Variants in MYBL1 observed in about 807,000 individuals in gnomAD.
MYBL1 encodes the protein myb-related protein A.
MYBL1 carries 17 observed loss-of-function variants against 96.3 expected under a neutral mutation model. The ratio of observed to expected loss-of-function variants is 0.18; its 90% confidence interval spans 0.12 to 0.26. The LOEUF is 0.26. Ranked by LOEUF, MYBL1 falls within the 10% of genes least tolerant of loss-of-function variation. The pLI is 1.00. For missense variants in MYBL1, 701 were observed against 882.9 expected (o/e 0.79, Z 2.61); for synonymous variants, 282 against 292.7 (o/e 0.96, Z 0.37).
chr8:66,593,121 T>C lies in MYBL1; in HGVS notation c.761A>G (p.Gln254Arg). 1 of 1,563,028 alleles carries C rather than the reference T, an allele frequency of 6.4e-7. No individual in the cohort carries two copies. ...EHVQPTSAFI[Q>R]QPFIDEDPDK... ...GTTTTCGTTATAAATAAAAGTTACC[T>C]GAATAAAGGCAGAAGTAGGCTGAAC... is the stretch of plus-strand genomic sequence containing the variant. The change falls in exon 7 of 16, where the codon CAG becomes CGG. Residue 254 changes from glutamine to arginine, a missense_variant and splice_region_variant. Gln to Arg is a conservative substitution (Grantham distance 43, BLOSUM62 1). Coordinates refer to ENST00000522677, the MANE Select transcript of MYBL1 (RefSeq NM_001080416.4).
chr8:66,573,982 GA>G (rs1808837902), intron 10 of MYBL1, among the ~76,000 whole-genome samples: 1 of 147,974 alleles, frequency 6.8e-6, no homozygotes, highest in East Asian at 1.9e-4. Context: ...TTGCTGATAA[GA>G]AATACAGCTG....
At position 66,574,984 on chromosome 8, in the gene MYBL1, G is replaced by A. The variant is rs533921997; in HGVS notation, c.1470+1023C>T. ...CAGGAGAATCACTTGAACCCGGGAG[G>A]CGGAGGTTGCGGTGAGCCGAGATGG... On this transcript the variant is annotated intron_variant, in intron 10 of 15. Coordinates refer to ENST00000522677, the MANE Select transcript of MYBL1 (RefSeq NM_001080416.4). 7.2e-5 allele frequency among the ~76,000 whole-genome samples: 11 copies of A among 152,308 alleles called. No individual in the cohort carries two copies. In the South Asian group the frequency reaches 1.4e-3, roughly 20 times the overall value.
chr8:66,600,374 A>G (rs560148428), intron 3 of MYBL1, among the ~76,000 whole-genome samples: 2 of 152,314 alleles, frequency 1.3e-5, no homozygotes, highest in East Asian at 3.9e-4. Flanking sequence ...ACTCAGCTTC[A>G]TTTATGGCTT....
At chr8:66,596,270 TCACAA>T in intron 5 of MYBL1, among the ~76,000 whole-genome samples, 1 of 151,998 alleles carries the variant, frequency 6.6e-6, no homozygotes, top group African/African-American at 2.4e-5. Context: ...GAAAAGCAAA[TCACAA>T]ACTAAAGAAT....
At chr8:66,577,969 A>C (rs1273831907) in intron 9 of MYBL1, among the ~76,000 whole-genome samples, 2 of 152,238 alleles carry the variant, frequency 1.3e-5, no homozygotes, top group Non-Finnish European at 2.9e-5. Flanking sequence ...GAGAAAAACA[A>C]GCAATGGGGA....
chr8:66,610,407 G>C (rs921961368), intron 1 of MYBL1, among the ~76,000 whole-genome samples: 1 of 151,000 alleles, frequency 6.6e-6, no homozygotes, highest in Non-Finnish European at 1.5e-5. Flanking sequence ...GGTTTTTTTG[G>C]GTTTTTTTTT....
At chr8:66,575,406 A>C (rs1037681432) in intron 10 of MYBL1, among the ~76,000 whole-genome samples, 1 of 152,160 alleles carries the variant, frequency 6.6e-6, no homozygotes, top group African/African-American at 2.4e-5. Context: ...TGGGCAAATC[A>C]ATGTTACCTT....
At position 66,597,323 on chromosome 8, in the gene MYBL1, T is replaced by C; in HGVS notation, c.512+7A>G. 10 of 1,558,602 alleles carry C rather than the reference T, an allele frequency of 6.4e-6. No individual in the cohort carries two copies. Among genetic ancestry groups the C allele is most frequent in the Non-Finnish European group, 8.7e-6 (10 of 1,148,188 alleles). ...ACAGAAAAATATATATACATTTATA[T>C]AAGCACCTTCCTGGAAGTAGTTTGG... On this transcript the variant is annotated splice_region_variant and intron_variant, in intron 5 of 15. Transcript: ENST00000522677.
In MYBL1 at chr8:66,592,158, TGA is replaced by T. The variant is rs1276348393; in HGVS notation, c.867+280_867+281del. ...GCAGGCACCTGTAGTCCCAGCTACT[TGA>T]GAGGCTGAGGTGGGGCATCATTTGA... On this transcript the variant is annotated intron_variant, in intron 8 of 15. Transcript: ENST00000522677. Among the ~76,000 whole-genome samples the T allele has an allele frequency of 6.6e-5, 10 of 151,894 alleles. No homozygotes were observed. In the East Asian group the frequency reaches 1.9e-3, roughly 29 times the overall value.
At chr8:66,572,452 AATT>A (rs768949283) in intron 12 of MYBL1, 27 bp downstream of exon 12, 30 of 1,105,798 alleles carry the variant, frequency 2.7e-5, no homozygotes, top group Middle Eastern at 5.9e-4. Context: ...AAATTAGGAA[AATT>A]ATTAAAAATA....
intron 12 of MYBL1, 45 bp from the exon 13 acceptor site, chr8:66,567,037 T>C (rs767239136): frequency 7.7e-7 from 1 of 1,291,016 alleles, no homozygotes; most frequent in South Asian, 1.2e-5. Flanking sequence ...TTATAGCAAT[T>C]CCTTTTTCTC....
At chr8:66,573,583 T>C in intron 10 of MYBL1, 77 bp from the exon 11 acceptor site, 1 of 1,222,924 alleles carries the variant, frequency 8.2e-7, no homozygotes, top group South Asian at 1.8e-5. Context: ...GATAAGATTT[T>C]CAAATTATTT....
At chr8:66,606,000 A>G in intron 1 of MYBL1, among the ~76,000 whole-genome samples, 1 of 152,212 alleles carries the variant, frequency 6.6e-6, no homozygotes. Flanking sequence ...ATTTCACGGA[A>G]TAGGAAACTT....
chr8:66,609,875 C>T (rs550193970), intron 1 of MYBL1, among the ~76,000 whole-genome samples: 4 of 151,958 alleles, frequency 2.6e-5, no homozygotes, highest in Admixed American at 2.0e-4. Context: ...CAGTTAATGA[C>T]AAAACCGATT....
chr8:66,602,503 A>G lies in MYBL1; in HGVS notation c.41T>C (p.Leu14Pro). The part of the protein sequence containing the change: ...RSRSEDEDDD[L>P]QYADHDYEVP... ...TTCATAATCATGATCGGCATACTGA[A>G]GGTCATCATCCTCATCCTCACTACA... Residue 14 changes from leucine (L) to proline (P), a missense_variant, in exon 2 of 16, where the codon CTT becomes CCT. Coordinates refer to ENST00000522677, the MANE Select transcript of MYBL1 (RefSeq NM_001080416.4). 1 of 1,606,790 alleles carries G rather than the reference A, an allele frequency of 6.2e-7. No individual in the cohort carries two copies. Among genetic ancestry groups the G allele is most frequent in the Non-Finnish European group, 8.5e-7 (1 of 1,175,860 alleles).
chr8:66,584,691 C>A (rs897559589), intron 8 of MYBL1, among the ~76,000 whole-genome samples: 3 of 152,064 alleles, frequency 2.0e-5, no homozygotes, highest in Admixed American at 6.6e-5. Flanking sequence ...AGACCCCCAT[C>A]TCTAAAATTA....
chr8:66,610,415 T>C (rs1810482704), intron 1 of MYBL1, among the ~76,000 whole-genome samples: 2 of 151,906 alleles, frequency 1.3e-5, no homozygotes, highest in South Asian at 4.1e-4. Flanking sequence ...TGGGTTTTTT[T>C]TTTTCAGTTC....
At position 66,564,683 on chromosome 8, in the gene MYBL1, A is replaced by G; in HGVS notation, c.*14T>C. The G allele has an allele frequency of 4.5e-6, 7 of 1,555,386 alleles. No individual in the cohort carries two copies. Among genetic ancestry groups the G allele is most frequent in the Non-Finnish European group, 6.1e-6 (7 of 1,146,536 alleles). Reference sequence around the variant, plus strand: ...CAGTAAGGGAGTGGGGCATTTCATCAATTTTAATAACAATTACAGTATGAG... The same window carrying G: ...CAGTAAGGGAGTGGGGCATTTCATCGATTTTAATAACAATTACAGTATGAG... On this transcript the variant is annotated 3_prime_UTR_variant, in exon 16 of 16. Transcript: ENST00000522677.
intron 8 of MYBL1, among the ~76,000 whole-genome samples, chr8:66,586,214 T>C (rs552482275): frequency 1.3e-5 from 2 of 151,954 alleles, no homozygotes; most frequent in Admixed American, 1.3e-4. Context: ...CCTGGCTAAG[T>C]TTTGTATTTT....
Sources: allele counts gnomAD v4.1 joint callset (sites outside exome capture counted in the v4.1 genomes callset), GRCh38; gene constraint gnomAD v4.1.1; transcripts MANE v1.5; gene names NCBI Gene and HGNC (gene_info 2026-07-23, HGNC 2026-07-21).